MERTK: variants seen among roughly 807,000 people sequenced by gnomAD.
MERTK encodes tyrosine-protein kinase Mer.
In MERTK, 69 loss-of-function variants were observed where a neutral mutation model predicts 99.3. The ratio of observed to expected loss-of-function variants is 0.70; its 90% CI spans 0.57 to 0.85. The LOEUF is 0.85. MERTK is among the 40% of genes least tolerant of loss of function. The pLI, the probability that MERTK is intolerant of heterozygous loss-of-function variation, is 0.00. For synonymous variants in MERTK, 426 were observed against 467.6 expected, an observed-to-expected ratio of 0.91 and a Z score of 1.15; for missense variants, 1,125 against 1,249.4, an observed-to-expected ratio of 0.90 and a Z score of 1.50.
At chr2:111,905,962 A>C (rs548823966) in intron 1 of MERTK, among the ~76,000 whole-genome samples, 30 of 152,286 alleles carry the variant, frequency 2.0e-4, no homozygotes, top group African/African-American at 7.2e-4. Flanking sequence ...ATTACACCAA[A>C]AGCTAAGAAC....
intron 4 of MERTK, among the ~76,000 whole-genome samples, chr2:111,953,610 CT>C (rs1361982599): frequency 6.6e-6 from 1 of 151,888 alleles, no homozygotes; most frequent in Non-Finnish European, 1.5e-5. Flanking sequence ...CAGTTTTGCT[CT>C]GTCGCCCAGG....
At chr2:111,899,105 C>T (rs966577162) in intron 1 of MERTK, among the ~76,000 whole-genome samples, 3 of 152,306 alleles carry the variant, frequency 2.0e-5, no homozygotes, top group Middle Eastern at 3.4e-3. Flanking sequence ...CGGCCGGGCG[C>T]GCTGCAAGTC....
chr2:111,968,358 G>A, intron 6 of MERTK, 106 bp downstream of exon 6: 3 of 876,638 alleles, frequency 3.4e-6, no homozygotes, highest in Non-Finnish European at 3.8e-6. Flanking sequence ...CTCCATCTCT[G>A]TACAGAGTCC....
chr2:111,946,781 A>G (rs1020997626), intron 3 of MERTK, among the ~76,000 whole-genome samples: 1 of 152,204 alleles, frequency 6.6e-6, no homozygotes, highest in African/African-American at 2.4e-5. Flanking sequence ...TTTGAGCAAC[A>G]CCTGATGTAA....
rs1452957814 is a variant in MERTK at position 111,994,236 on chromosome 2, CCT to C, written c.1297-10_1297-9del. On this transcript the variant is annotated splice_polypyrimidine_tract_variant and intron_variant, in intron 8 of 18. Coordinates refer to ENST00000295408, the MANE Select transcript of MERTK (RefSeq NM_006343.3). ...CCTCAGTGTTTTCATTTCCTCTCTT[CCT>C]CTCTGTCTCCAGAAAGAGCTCTTGG... 1 of 1,613,430 alleles carries C rather than the reference CCT, an allele frequency of 6.2e-7. No homozygotes were observed. Among genetic ancestry groups the C allele is most frequent in the East Asian group, 2.2e-5 (1 of 44,880 alleles).
rs765850254 is a variant in MERTK at position 111,914,101 on chromosome 2, C to CTTT, written c.62-14999_62-14997dup. ...CTTTTCTTTCTTTCTTTCTTTCTTT[C>CTTT]TTTTTTTTTTTTTTTTTTTTTTGAG... On this transcript the variant is annotated intron_variant, in intron 1 of 18. Coordinates refer to ENST00000295408, the MANE Select transcript of MERTK (RefSeq NM_006343.3). Among the ~76,000 whole-genome samples, 194 of 94,442 alleles carry CTTT rather than the reference C, an allele frequency of 2.1e-3. 2 individuals carry two copies. Among genetic ancestry groups the CTTT allele is most frequent in the Middle Eastern group, 6.8e-3 (1 of 148 alleles). 62.0% of individuals were successfully genotyped at this position (94,442 alleles called of 152,430 possible).
chr2:111,940,929 T>G, intron 2 of MERTK: 1 of 674,664 alleles, frequency 1.5e-6, no homozygotes, highest in Non-Finnish European at 2.9e-6. Context: ...AGTATCTGAT[T>G]TTCTGGTCTT....
intron 3 of MERTK, among the ~76,000 whole-genome samples, chr2:111,946,230 C>T (rs1401688853): frequency 6.6e-6 from 1 of 152,138 alleles, no homozygotes; most frequent in Non-Finnish European, 1.5e-5. Context: ...GGGTTTCCTA[C>T]ATTTGCAGCT....
In MERTK at chr2:112,017,249, G is replaced by A. The variant is rs542122045; in HGVS notation, c.2080-2164G>A. On this transcript the variant is annotated intron_variant, in intron 15 of 18. Transcript: ENST00000295408. ...TGATTGGTGCATTTACAGTCCTTTG[G>A]CTAGACACAGAGCACCAATTGATGC... 3.3e-5 allele frequency among the ~76,000 whole-genome samples: 5 copies of A among 152,194 alleles called. No homozygotes were observed. The South Asian group carries it at 1.0e-3, about 32-fold the overall frequency.
At chr2:111,954,010 C>T (rs985407278) in intron 4 of MERTK, among the ~76,000 whole-genome samples, 1 of 152,220 alleles carries the variant, frequency 6.6e-6, no homozygotes, top group Non-Finnish European at 1.5e-5. Flanking sequence ...CAATCTTTCT[C>T]GTTCTCATCC....
At chr2:111,957,524 C>T (rs548740793) in intron 4 of MERTK, among the ~76,000 whole-genome samples, 1 of 152,226 alleles carries the variant, frequency 6.6e-6, no homozygotes, top group East Asian at 1.9e-4. Flanking sequence ...ACCCTCTGAT[C>T]GTCTTCTGTT....
At chr2:111,992,856 G>C (rs1212123585) in intron 8 of MERTK, among the ~76,000 whole-genome samples, 1 of 152,162 alleles carries the variant, frequency 6.6e-6, no homozygotes, top group Admixed American at 6.5e-5. Context: ...CTCAAGGAGG[G>C]GGTCATGGGG....
chr2:111,947,142 G>A (rs2104704350), intron 3 of MERTK, among the ~76,000 whole-genome samples: 1 of 152,190 alleles, frequency 6.6e-6, no homozygotes, highest in East Asian at 1.9e-4. Flanking sequence ...ACCTGGTGGT[G>A]TGCGCCTGTA....
chr2:111,994,465 C>A lies in MERTK; in HGVS notation c.1450+61C>A, dbSNP rs1676694221. The A allele has an allele frequency of 1.9e-6, 3 of 1,599,836 alleles. No individual in the cohort carries two copies. In the East Asian group the frequency reaches 6.7e-5, roughly 36 times the overall value. On this transcript the variant is annotated intron_variant, in intron 9 of 18. Transcript: ENST00000295408. ...GATGGTCCAGGCAGTGCACAGATTG[C>A]CAGAAAGTAACCTGGGGGATGGATG...
intron 1 of MERTK, among the ~76,000 whole-genome samples, chr2:111,913,791 C>T (rs1052093375): frequency 2.0e-5 from 3 of 152,126 alleles, no homozygotes; most frequent in African/African-American, 7.2e-5. Flanking sequence ...TCAGGTGATC[C>T]ACCCACCTCA....
At chr2:111,966,800 C>G (rs565493074) in intron 5 of MERTK, among the ~76,000 whole-genome samples, 15 of 152,276 alleles carry the variant, frequency 9.9e-5, no homozygotes, top group African/African-American at 3.6e-4. Context: ...CTTCCCCATT[C>G]CCAAGGCTTT....
rs967489959 is a variant in MERTK at position 111,917,375 on chromosome 2, C to T, written c.62-11745C>T. 9.2e-5 allele frequency among the ~76,000 whole-genome samples: 14 copies of T among 152,124 alleles called. 1 individual carries two copies. Among genetic ancestry groups the T allele is most frequent in the African/African-American group, 3.1e-4 (13 of 41,494 alleles). Reference sequence around the variant, plus strand: ...TGACTTTTGCTGGTGTGGATGGGGACGGGGCCGTGATGTGTTTTGGGTTGC... The same window carrying T: ...TGACTTTTGCTGGTGTGGATGGGGATGGGGCCGTGATGTGTTTTGGGTTGC... On this transcript the variant is annotated intron_variant, in intron 1 of 18. Transcript: ENST00000295408.
chr2:111,971,372 C>G (rs1406516101), intron 6 of MERTK, among the ~76,000 whole-genome samples: 1 of 150,302 alleles, frequency 6.7e-6, no homozygotes, highest in East Asian at 1.9e-4. Context: ...GTTTAGTTTG[C>G]TCTTTTTCTA....
intron 15 of MERTK, 70 bp downstream of exon 15, chr2:112,010,136 C>A (rs1677067846): frequency 2.6e-6 from 3 of 1,148,820 alleles, no homozygotes; most frequent in Non-Finnish European, 2.6e-6. Context: ...ACAACCAAAT[C>A]ATCTAATCTT....
Sources: allele counts gnomAD v4.1 joint callset (sites outside exome capture counted in the v4.1 genomes callset), GRCh38; gene constraint gnomAD v4.1.1; transcripts MANE v1.5; gene names NCBI Gene and HGNC (gene_info 2026-07-23, HGNC 2026-07-21).